AGGF1: variants seen among roughly 807,000 people sequenced by gnomAD.
AGGF1 encodes angiogenic factor with G patch and FHA domains 1.
AGGF1 carries 56 observed loss-of-function variants against 86.5 expected under a neutral mutation model. The ratio of observed to expected loss-of-function variants is 0.65; its 90% CI spans 0.52 to 0.81. The LOEUF (loss-of-function observed/expected upper bound fraction) is 0.81, where lower values mean the gene tolerates loss of function less well. AGGF1 is among the 30% of genes least tolerant of loss of function. The pLI, the probability that AGGF1 is intolerant of heterozygous loss-of-function variation, is 0.00. For missense variants in AGGF1, 816 were observed against 850.9 expected, an observed-to-expected ratio of 0.96 and a Z score of 0.51; for synonymous variants, 313 against 297.1, an observed-to-expected ratio of 1.05 and a Z score of -0.55.
At chr5:77,047,080 T>A (rs952707072) in intron 6 of AGGF1, among the ~76,000 whole-genome samples, 1 of 151,668 alleles carries the variant, frequency 6.6e-6, no homozygotes, top group Admixed American at 6.6e-5. Context: ...GTAAATCTAA[T>A]TTTTTTTTAC....
Position 77,053,843 on chromosome 5 carries a change from A to AT in AGGF1, c.1468-119dup, listed in dbSNP as rs1017830985. The AT allele has an allele frequency of 7.0e-5, 71 of 1,016,952 alleles. No individual in the cohort carries two copies. In the African/African-American group the frequency reaches 1.0e-3, roughly 15 times the overall value. 63.0% of individuals were successfully genotyped at this position (1,016,952 alleles called of 1,614,324 possible). On this transcript the variant is annotated intron_variant, in intron 9 of 13. Transcript: ENST00000312916. ...TGCATGTGTGTATGTGTATGTGTCTATTTCATTTATAGCTATTTTAAATAT... is the reference window on the plus strand; with the variant it reads ...TGCATGTGTGTATGTGTATGTGTCTATTTTCATTTATAGCTATTTTAAATAT...
rs1401598837 is a variant in AGGF1, at chr5:77,063,215, C to T, written c.2108C>T (p.Pro703Leu). ...FPETKPQKDD[P>L]GTMPWVKGTL... The stretch of plus-strand genomic sequence containing the variant: ...GAAACTAAGCCTCAAAAAGATGACC[C>T]AGGGACCATGCCTTGGGTAAAAGGG... Residue 703 changes from proline (P) to leucine (L), a missense_variant, in exon 14 of 14, where the codon CCA becomes CTA. Coordinates refer to ENST00000312916, the MANE Select transcript of AGGF1 (RefSeq NM_018046.5). The T allele has an allele frequency of 6.2e-7, 1 of 1,613,830 alleles. No homozygotes were observed. The highest frequency in any genetic ancestry group is 1.7e-5 in the Admixed American group (1 of 59,998).
intron 10 of AGGF1, 121 bp downstream of exon 10, chr5:77,054,251 T>G (rs1747424329): frequency 1.7e-6 from 2 of 1,188,056 alleles, no homozygotes; most frequent in East Asian, 2.4e-5. Flanking sequence ...CATTGAGAGA[T>G]ATTTTATACA....
chr5:77,050,557 G>A (rs1221783114), intron 8 of AGGF1, among the ~76,000 whole-genome samples: 1 of 151,888 alleles, frequency 6.6e-6, no homozygotes, highest in Non-Finnish European at 1.5e-5. Context: ...GGTGAAGTCA[G>A]TTTGATAGCA....
At position 77,030,924 on chromosome 5, in the gene AGGF1, C is replaced by G. The variant is rs1451580695; in HGVS notation, c.158C>G (p.Thr53Arg). The change falls in exon 1 of 14, where the codon ACA becomes AGA. Residue 53 changes from threonine to arginine, a missense_variant. By Grantham distance (71) the Thr-to-Arg change is moderately conservative (BLOSUM62 -1). Around this residue, in one of 3 missense-constraint regions of AGGF1, gnomAD observed 240 missense variants for 234.4 expected, o/e 1.02. Coordinates refer to ENST00000312916, the MANE Select transcript of AGGF1 (RefSeq NM_018046.5). ...GAGATCGAGAAGCTGCTGCATCACA[C>G]AGAACGGCTGTACCAGAACGCAGAA... ...VREIEKLLHH[T>R]ERLYQNAESN... The G allele has an allele frequency of 4.3e-6, 7 of 1,613,218 alleles. No individual in the cohort carries two copies. Among genetic ancestry groups the G allele is most frequent in the Non-Finnish European group, 5.1e-6 (6 of 1,180,016 alleles).
intron 7 of AGGF1, 105 bp from the exon 8 acceptor site, chr5:77,048,831 T>G: frequency 1.9e-6 from 2 of 1,071,244 alleles, no homozygotes; most frequent in Non-Finnish European, 2.9e-6. Flanking sequence ...GATTTACTGT[T>G]GATAGACGTG....
rs554345943 is a variant in AGGF1, at chr5:77,062,933, G to T, written c.1945-119G>T. On this transcript the variant is annotated intron_variant, in intron 13 of 13. Coordinates refer to ENST00000312916, the MANE Select transcript of AGGF1 (RefSeq NM_018046.5). The stretch of plus-strand genomic sequence containing the variant: ...TGTATGTATTTGATGCATCTGACAG[G>T]TTTTTCTTTTGCATCAATCTTTAAT... 6.3e-5 allele frequency: 62 copies of T among 989,624 alleles called. No homozygotes were observed. In the South Asian group the frequency reaches 8.2e-4, roughly 13 times the overall value. The allele number at this position is 989,624 out of a possible 1,614,324, so 61.3% of individuals were successfully genotyped here.
At chr5:77,035,431 T>G in intron 2 of AGGF1, 110 bp from the exon 3 acceptor site, 2 of 799,600 alleles carry the variant, frequency 2.5e-6, no homozygotes, top group African/African-American at 1.7e-5. Context: ...AAATCATGAT[T>G]TATTTGAAGT....
At chr5:77,054,166 T>C (rs1251718313) in intron 10 of AGGF1, 36 bp downstream of exon 10, 1 of 1,612,496 alleles carries the variant, frequency 6.2e-7, no homozygotes, top group African/African-American at 1.3e-5. Flanking sequence ...TGTGATAACA[T>C]TTCTCTTTCA....
chr5:77,055,481 G>A, intron 10 of AGGF1, 33 bp from the exon 11 acceptor site: 1 of 1,401,744 alleles, frequency 7.1e-7, no homozygotes. Context: ...CAGATTTAGT[G>A]GCTTTTTTTT....
At chr5:77,051,381 C>T (rs959140211) in intron 8 of AGGF1, among the ~76,000 whole-genome samples, 15 of 149,648 alleles carry the variant, frequency 1.0e-4, no homozygotes, top group African/African-American at 9.9e-5. Flanking sequence ...TGCAGTGAGC[C>T]GAGATCATGC....
chr5:77,046,622 T>G lies in AGGF1; in HGVS notation c.1146T>G (p.Tyr382Ter). Residue 382 changes from tyrosine to a stop codon, truncating the protein, a stop_gained, in exon 6 of 14, where the codon TAT becomes TAG. Transcript: ENST00000312916. LOFTEE classifies it high-confidence loss of function. ...EITDSQTEDS[Y>*]DEAITSEGNV... Reference sequence around the variant, plus strand: ...CAGACTCTCAGACTGAGGATAGTTATGACGAAGCCATTACCAGTGAAGGCA... The same window carrying G: ...CAGACTCTCAGACTGAGGATAGTTAGGACGAAGCCATTACCAGTGAAGGCA... 2 of 1,614,044 alleles carry G rather than the reference T, an allele frequency of 1.2e-6. No homozygotes were observed. Among genetic ancestry groups the G allele is most frequent in the Non-Finnish European group, 1.7e-6 (2 of 1,179,948 alleles).
At chr5:77,033,920 G>A (rs1312715712) in intron 1 of AGGF1, among the ~76,000 whole-genome samples, 2 of 152,134 alleles carry the variant, frequency 1.3e-5, no homozygotes, top group Non-Finnish European at 2.9e-5. Flanking sequence ...CTCTCAGGCC[G>A]TCACCTTCCC....
rs1747601095 is a variant in AGGF1, at chr5:77,063,277, C to G, written c.*25C>G. 1 of 1,599,748 alleles carries G rather than the reference C, an allele frequency of 6.3e-7. No homozygotes were observed. Among genetic ancestry groups the G allele is most frequent in the African/African-American group, 1.3e-5 (1 of 74,590 alleles). On this transcript the variant is annotated 3_prime_UTR_variant, in exon 14 of 14. Coordinates refer to ENST00000312916, the MANE Select transcript of AGGF1 (RefSeq NM_018046.5). ...AAGGCTAATCATAGAAAAAAAACCT[C>G]TAGTTTTTTTAAAAATAGAATTTGG... is the stretch of plus-strand genomic sequence containing the variant.
At chr5:77,047,855 C>T (rs1294294033) in intron 6 of AGGF1, among the ~76,000 whole-genome samples, 12 of 138,940 alleles carry the variant, frequency 8.6e-5, no homozygotes, top group Admixed American at 5.2e-4. Flanking sequence ...ATTTTTATAA[C>T]TTAAAATAAT....
chr5:77,034,824 AG>A lies in AGGF1; in HGVS notation c.313+308del, dbSNP rs768304514. On this transcript the variant is annotated intron_variant, in intron 2 of 13. Coordinates refer to ENST00000312916, the MANE Select transcript of AGGF1 (RefSeq NM_018046.5). ...TTCCATATCTGCCTTCCTTGTGACC[AG>A]GGGCATTTGTTTTCTTGTTGATGTG... Among the ~76,000 whole-genome samples the A allele has an allele frequency of 1.3e-3, 195 of 152,308 alleles. 1 individual carries two copies. Among genetic ancestry groups the A allele is most frequent in the Admixed American group, 4.1e-3 (62 of 15,300 alleles).
chr5:77,057,362 A>G (rs1381945672), intron 11 of AGGF1, among the ~76,000 whole-genome samples: 1 of 152,206 alleles, frequency 6.6e-6, no homozygotes, highest in Non-Finnish European at 1.5e-5. Context: ...TCTGTCATAT[A>G]TGGATAAGCA....
chr5:77,059,653 C>T lies in AGGF1; in HGVS notation c.1754C>T (p.Pro585Leu). The T allele has an allele frequency of 6.2e-7, 1 of 1,612,200 alleles. No individual in the cohort carries two copies. The highest frequency in any genetic ancestry group is 1.1e-5 in the South Asian group (1 of 91,012). The stretch of plus-strand genomic sequence containing the variant: ...GAAGATGAAAAGACATTGAAGAATC[C>T]AAAATATAAAGATAGAGCTGGAAAA... The part of the protein sequence containing the change: ...EYEDEKTLKN[P>L]KYKDRAGKRR... Residue 585 changes from proline (P) to leucine (L), a missense_variant, in exon 12 of 14, where the codon CCA (proline) becomes CTA (leucine). Coordinates refer to ENST00000312916, the MANE Select transcript of AGGF1 (RefSeq NM_018046.5).
intron 12 of AGGF1, among the ~76,000 whole-genome samples, chr5:77,060,854 T>C (rs1475366133): frequency 3.3e-5 from 5 of 152,170 alleles, no homozygotes; most frequent in African/African-American, 1.2e-4. Context: ...GTTTAAAATA[T>C]AATCTTGGAG....
Sources: gnomAD v4.1 joint callset for allele counts (sites outside exome capture counted in the v4.1 genomes callset) on GRCh38, gnomAD v4.1.1 for gene constraint, gnomAD v4.1.1 regional missense constraint, MANE v1.5 for transcripts, NCBI Gene and HGNC (gene_info 2026-07-23, HGNC 2026-07-21) for gene names.